The following SH3BGRL variants were observed in gnomAD, a reference collection of about 807,000 sequenced individuals.
SH3BGRL encodes adapter SH3BGRL.
In SH3BGRL, 7 loss-of-function variants were observed where a neutral mutation model predicts 9.8. That is an observed-to-expected ratio of 0.72 (90% CI 0.41 to 1.35). The LOEUF (loss-of-function observed/expected upper bound fraction) is 1.35. Ranked by LOEUF, SH3BGRL falls within the 40% of genes most tolerant of loss-of-function variation. The pLI is 0.01. For synonymous variants in SH3BGRL, 36 were observed against 29.1 expected (o/e 1.24, Z -0.76); for missense variants, 73 against 84.4 (o/e 0.86, Z 0.53).
In SH3BGRL at chrX:81,296,311, T is replaced by G. The variant is rs772878613; in HGVS notation, c.313-884T>G. Among the ~76,000 whole-genome samples the G allele has an allele frequency of 4.5e-5, 5 of 111,861 alleles. No homozygotes were observed. The South Asian group carries it at 1.5e-3, about 34-fold the overall frequency. On this transcript the variant is annotated intron_variant, in intron 3 of 3. Coordinates refer to ENST00000373212, the MANE Select transcript of SH3BGRL (RefSeq NM_003022.3). Reference sequence around the variant, plus strand: ...ATTGCAATTTGACATGGGATTTCGGTGGGGACACAGAGCCAAACCATATCA... The same window carrying G: ...ATTGCAATTTGACATGGGATTTCGGGGGGGACACAGAGCCAAACCATATCA...
rs1348498224 is a variant in SH3BGRL, at chrX:81,202,216, T to C, written c.16T>C (p.Tyr6His). 8.3e-7 allele frequency: 1 copy of C among 1,207,198 alleles called. No homozygotes were observed. The highest frequency in any genetic ancestry group is 1.1e-6 in the Non-Finnish European group (1 of 893,935). Residue 6 changes from tyrosine (Y) to histidine (H), a missense_variant, in exon 1 of 4, where the codon TAT becomes CAT. Tyr to His is a moderately conservative substitution (Grantham distance 83). Transcript: ENST00000373212. The part of the protein sequence containing the change: MVIRV[Y>H]IASSSGSTAI... ...TGTTCCCAGGATGGTGATCCGTGTA[T>C]ATATTGCATCTTCCTCTGGCTCTAC...
intron 1 of SH3BGRL, among the ~76,000 whole-genome samples, chrX:81,229,572 C>T (rs2075626770): frequency 9.0e-6 from 1 of 111,334 alleles, no homozygotes; most frequent in South Asian, 3.8e-4. Context: ...TGGTTTTCCC[C>T]TGGATTCAGG....
Position 81,285,854 on chromosome X carries a change from G to T in SH3BGRL, c.312+7443G>T, listed in dbSNP as rs1293454104. Among the ~76,000 whole-genome samples the T allele has an allele frequency of 5.4e-5, 6 of 111,784 alleles. 1 individual carries two copies. The Middle Eastern group carries it at 0.019, about 355-fold the overall frequency. ...TTAATATTCTAATTACATTTAAAAT[G>T]TATGGATAGGACAAAAAAAGAAACT... On this transcript the variant is annotated intron_variant, in intron 3 of 3. Coordinates refer to ENST00000373212, the MANE Select transcript of SH3BGRL (RefSeq NM_003022.3).
intron 1 of SH3BGRL, among the ~76,000 whole-genome samples, chrX:81,240,081 A>G (rs2075663004): frequency 8.9e-6 from 1 of 112,443 alleles, no homozygotes; most frequent in African/African-American, 3.2e-5. Context: ...TGAAAGTACA[A>G]AATTCACTGG....
chrX:81,228,227 C>T (rs937581746), intron 1 of SH3BGRL, among the ~76,000 whole-genome samples: 8 of 111,655 alleles, frequency 7.2e-5, no homozygotes, highest in Admixed American at 1.9e-4. Context: ...TGGACTCCAG[C>T]TTGGTTTTAT....
At chrX:81,284,483 C>T (rs2075828304) in intron 3 of SH3BGRL, among the ~76,000 whole-genome samples, 1 of 110,088 alleles carries the variant, frequency 9.1e-6, no homozygotes, top group Non-Finnish European at 1.9e-5. Flanking sequence ...TAAAGCTAGC[C>T]ATGGGATCTC....
At chrX:81,202,296 C>T (rs775296637) in intron 1 of SH3BGRL, 51 bp downstream of exon 1, 1 of 1,131,940 alleles carries the variant, frequency 8.8e-7, no homozygotes, top group South Asian at 2.0e-5. Flanking sequence ...CACCAGTCCT[C>T]TGCTGCCCCA....
At chrX:81,287,839 T>G (rs2075840584) in intron 3 of SH3BGRL, among the ~76,000 whole-genome samples, 1 of 110,272 alleles carries the variant, frequency 9.1e-6, no homozygotes, top group Non-Finnish European at 1.9e-5. Flanking sequence ...TTACTCAAAC[T>G]ATTCTGATAA....
chrX:81,220,301 T>C (rs1220964176), intron 1 of SH3BGRL, among the ~76,000 whole-genome samples: 1 of 111,769 alleles, frequency 8.9e-6, no homozygotes, highest in Non-Finnish European at 1.9e-5. Flanking sequence ...TCATTACTTG[T>C]TTTTTGTCTG....
intron 1 of SH3BGRL, among the ~76,000 whole-genome samples, chrX:81,213,111 G>C (rs1481242387): frequency 2.7e-5 from 3 of 112,236 alleles, no homozygotes; most frequent in Non-Finnish European, 5.6e-5. Context: ...CAAAAAATGA[G>C]ATTCTGTCTT....
At chrX:81,296,309 G>A (rs375278075) in intron 3 of SH3BGRL, among the ~76,000 whole-genome samples, 3 of 111,681 alleles carry the variant, frequency 2.7e-5, no homozygotes, top group Non-Finnish European at 3.8e-5. Context: ...ATGGGATTTC[G>A]GTGGGGACAC....
At chrX:81,256,210 C>T (rs894390475) in intron 1 of SH3BGRL, among the ~76,000 whole-genome samples, 3 of 111,959 alleles carry the variant, frequency 2.7e-5, no homozygotes, top group African/African-American at 9.7e-5. Context: ...AACTTCAGAA[C>T]GTTTTCTACT....
intron 3 of SH3BGRL, among the ~76,000 whole-genome samples, chrX:81,286,172 G>A (rs1293875156): frequency 9.0e-6 from 1 of 110,984 alleles, no homozygotes; most frequent in Non-Finnish European, 1.9e-5. Flanking sequence ...ACTTTAAAGT[G>A]GAGATGATGG....
intron 1 of SH3BGRL, among the ~76,000 whole-genome samples, chrX:81,271,254 C>A (rs772399267): frequency 8.9e-6 from 1 of 112,214 alleles, no homozygotes; most frequent in Admixed American, 9.4e-5. Context: ...GTGGGCTGCA[C>A]CCACTGTCCA....
intron 3 of SH3BGRL, among the ~76,000 whole-genome samples, chrX:81,290,590 G>T (rs188542187): frequency 3.6e-5 from 4 of 110,757 alleles, no homozygotes; most frequent in African/African-American, 1.3e-4. Context: ...AAGGTAGTGG[G>T]TGATTGAGAA....
intron 1 of SH3BGRL, among the ~76,000 whole-genome samples, chrX:81,264,071 G>T (rs929544259): frequency 9.1e-6 from 1 of 109,916 alleles, no homozygotes; most frequent in Admixed American, 9.8e-5. Flanking sequence ...GTTAAGGCTG[G>T]TCAAGAGAAA....
In SH3BGRL at chrX:81,298,472, AAG is replaced by A. The variant is rs1409350954; in HGVS notation, c.*1249_*1250del. ...TTTTTGCCAAAATCAACATATAATG[AAG>A]AGATGCCTTTGTTTCATGAGATTCA... On this transcript the variant is annotated 3_prime_UTR_variant, in exon 4 of 4. Transcript: ENST00000373212. The A allele has an allele frequency of 1.8e-5, 2 of 111,536 alleles. No individual in the cohort carries two copies. Among genetic ancestry groups the A allele is most frequent in the African/African-American group, 6.5e-5 (2 of 30,865 alleles). The allele number at this position is 111,536 out of a possible 1,213,427, so 9.2% of individuals were successfully genotyped here.
intron 1 of SH3BGRL, among the ~76,000 whole-genome samples, chrX:81,207,396 T>C (rs911505199): frequency 8.9e-6 from 1 of 112,577 alleles, no homozygotes; most frequent in Non-Finnish European, 1.9e-5. Context: ...ATGGTTGTAC[T>C]CTGCACAATT....
chrX:81,277,132 T>G lies in SH3BGRL; in HGVS notation c.194T>G (p.Leu65Arg). 4.1e-6 allele frequency: 5 copies of G among 1,208,444 alleles called. No homozygotes were observed. Among genetic ancestry groups the G allele is most frequent in the Non-Finnish European group, 5.6e-6 (5 of 894,447 alleles). Residue 65 changes from leucine (L) to arginine (R), a missense_variant, in exon 2 of 4, where the codon CTG becomes CGG. Leu to Arg is a moderately radical substitution (Grantham distance 102). Transcript: ENST00000373212. ...ENSRPATGYP[L>R]PPQIFNESQY... ...AGTCGACCAGCCACAGGTTACCCCC[T>G]GCCACCTCAGATTTTCAATGAAAGC...
Sources: gnomAD v4.1 joint callset for allele counts (sites outside exome capture counted in the v4.1 genomes callset) on GRCh38, gnomAD v4.1.1 for gene constraint, MANE v1.5 for transcripts, NCBI Gene and HGNC (gene_info 2026-07-23, HGNC 2026-07-21) for gene names.